SP1: variants seen among roughly 807,000 people sequenced by gnomAD.
The protein encoded by SP1 is transcription factor Sp1.
In SP1, 6 loss-of-function variants were observed where a neutral mutation model predicts 66.3. The ratio of observed to expected loss-of-function variants is 0.09; its 90% CI spans 0.05 to 0.18. The LOEUF is 0.18. Ranked by LOEUF, SP1 falls within the 10% of genes least tolerant of loss-of-function variation. The pLI is 1.00. For synonymous variants in SP1, 417 were observed against 360.8 expected (o/e 1.16, Z -1.77); for missense variants, 848 against 964.5 (o/e 0.88, Z 1.60).
chr12:53,381,969 C>T (rs1447129091), intron 2 of SP1, 141 bp from the exon 3 acceptor site: 1 of 1,141,696 alleles, frequency 8.8e-7, no homozygotes, highest in Non-Finnish European at 1.2e-6. Context: ...AAAGGAGTTT[C>T]AGCAATACAG....
chr12:53,381,262 T>G (rs958498575), intron 1 of SP1: 9 of 159,582 alleles, frequency 5.6e-5, no homozygotes, highest in Non-Finnish European at 9.7e-5. Flanking sequence ...TCTCCATCTC[T>G]TTTAAACTTA....
intron 3 of SP1, among the ~76,000 whole-genome samples, chr12:53,399,900 G>A (rs1471917009): frequency 6.6e-6 from 1 of 151,950 alleles, no homozygotes; most frequent in African/African-American, 2.4e-5. Context: ...CAAAGTGCTG[G>A]GATTACAGGC....
chr12:53,380,946 C>CTTTTTTTTT (rs35296566), intron 1 of SP1, among the ~76,000 whole-genome samples: 1 of 100,800 alleles, frequency 9.9e-6, no homozygotes, highest in African/African-American at 4.9e-5. Context: ...TTTTGTTTGT[C>CTTTTTTTTT]TTTTTTTTTT....
chr12:53,406,924 A>G (rs896571421), intron 4 of SP1, among the ~76,000 whole-genome samples, 171 bp downstream of exon 4: 2 of 151,448 alleles, frequency 1.3e-5, no homozygotes, highest in African/African-American at 4.9e-5. Context: ...TCCTGGGTTC[A>G]CGCCATTCTC....
At chr12:53,407,330 A>T (rs1334729553) in intron 4 of SP1, among the ~76,000 whole-genome samples, 123 of 145,648 alleles carry the variant, frequency 8.4e-4, no homozygotes, top group African/African-American at 3.1e-3. Flanking sequence ...AAAAAAAAAA[A>T]ATTTTTTTTT....
rs1056063918 is a variant in SP1 at position 53,415,923 on chromosome 12, C to G, written c.*4683C>G. The G allele has an allele frequency of 3.3e-5, 5 of 152,648 alleles. No homozygotes were observed. Among genetic ancestry groups the G allele is most frequent in the African/African-American group, 4.8e-5 (2 of 41,526 alleles). 9.5% of individuals were successfully genotyped at this position (152,648 alleles called of 1,614,324 possible). A position where few individuals can be genotyped will look rare whatever the true frequency, so the allele number is the denominator to read the frequency against. The stretch of plus-strand genomic sequence containing the variant: ...CCTAGAGTCTAGGGCACAAAGACTT[C>G]GGGGAAGATACACTGAGATTGACCT... On this transcript the variant is annotated 3_prime_UTR_variant, in exon 6 of 6. Coordinates refer to ENST00000327443, the MANE Select transcript of SP1 (RefSeq NM_138473.3).
chr12:53,380,648 C>T (rs1224277806), intron 1 of SP1: 10 of 994,674 alleles, frequency 1.0e-5, no homozygotes, highest in Non-Finnish European at 1.1e-5. Context: ...CAGCGAAGGC[C>T]CCGCCCGGGC....
At chr12:53,391,962 G>A (rs557559272) in intron 3 of SP1, among the ~76,000 whole-genome samples, 18 of 152,108 alleles carry the variant, frequency 1.2e-4, no homozygotes, top group East Asian at 7.7e-4. Flanking sequence ...CCTGAAAAAC[G>A]TTTCTGTAGA....
In SP1 at chr12:53,414,467, C is replaced by G. The variant is rs1399062582; in HGVS notation, c.*3227C>G. ...TCAGCCTGGTTCAGAATAAATTGAT[C>G]CTTTGATCCCAGAAAGTATATACTG... is the stretch of plus-strand genomic sequence containing the variant. On this transcript the variant is annotated 3_prime_UTR_variant, in exon 6 of 6. Coordinates refer to ENST00000327443, the MANE Select transcript of SP1 (RefSeq NM_138473.3). The G allele has an allele frequency of 6.6e-6, 1 of 152,472 alleles. No individual in the cohort carries two copies. The highest frequency in any genetic ancestry group is 6.6e-5 in the Admixed American group (1 of 15,240). 9.4% of individuals were successfully genotyped at this position (152,472 alleles called of 1,614,324 possible). A position where few individuals can be genotyped will look rare whatever the true frequency, so the allele number is the denominator to read the frequency against.
chr12:53,397,433 A>C (rs1372767977), intron 3 of SP1, among the ~76,000 whole-genome samples: 1 of 149,192 alleles, frequency 6.7e-6, no homozygotes, highest in African/African-American at 2.5e-5. Flanking sequence ...GTAATTTAAG[A>C]CATCTAAACA....
In SP1 at chr12:53,406,696, G is replaced by T. The variant is rs1414461112; in HGVS notation, c.1787G>T (p.Gly596Val). 3.1e-6 allele frequency: 5 copies of T among 1,614,026 alleles called. No homozygotes were observed. Among genetic ancestry groups the T allele is most frequent in the Non-Finnish European group, 4.2e-6 (5 of 1,180,042 alleles). ...ENSPDAQPQA[G>V]RRTRREACTC... Reference sequence around the variant, plus strand: ...AGCCCAGATGCCCAACCCCAAGCCGGTCGGAGGACCCGGCGGGAAGCATGC... The same window carrying T: ...AGCCCAGATGCCCAACCCCAAGCCGTTCGGAGGACCCGGCGGGAAGCATGC... The change falls in exon 4 of 6, where the codon GGT (glycine) becomes GTT (valine). Residue 596 changes from glycine (G) to valine (V), a missense_variant. Coordinates refer to ENST00000327443, the MANE Select transcript of SP1 (RefSeq NM_138473.3).
intron 4 of SP1, among the ~76,000 whole-genome samples, chr12:53,407,357 AGTCT>A (rs1371085549): frequency 6.6e-6 from 1 of 150,560 alleles, no homozygotes; most frequent in Non-Finnish European, 1.5e-5. Flanking sequence ...AGACAAAGTC[AGTCT>A]GTGTTTCCCA....
chr12:53,406,596 G>A lies in SP1; in HGVS notation c.1687G>A (p.Ala563Thr), dbSNP rs1490271471. The stretch of plus-strand genomic sequence containing the variant: ...TCTCTTAATTTCAGGTGATCATGGA[G>A]CTCAGCTTGGTCTCCATGGGGCTGG... The part of the protein sequence containing the change: ...AIANAPGDHG[A>T]QLGLHGAGGD... The change falls in exon 4 of 6, where the codon GCT becomes ACT. Residue 563 changes from alanine to threonine, a missense_variant. Around this residue, in one of 7 missense-constraint regions of SP1, gnomAD observed 606 missense variants for 589.9 expected, o/e 1.03. Transcript: ENST00000327443. The A allele has an allele frequency of 1.2e-6, 2 of 1,613,812 alleles. No homozygotes were observed. The highest frequency in any genetic ancestry group is 1.7e-6 in the Non-Finnish European group (2 of 1,179,938).
At chr12:53,387,491 C>T (rs1938256844) in intron 3 of SP1, among the ~76,000 whole-genome samples, 1 of 152,074 alleles carries the variant, frequency 6.6e-6, no homozygotes, top group South Asian at 2.1e-4. Context: ...CAGTAATTTT[C>T]TTAGTTAATT....
Position 53,392,502 on chromosome 12 carries a change from G to A in SP1, c.1675+8880G>A, listed in dbSNP as rs563782459. Among the ~76,000 whole-genome samples, 84 of 150,316 alleles carry A rather than the reference G, an allele frequency of 5.6e-4. 1 individual carries two copies. In the South Asian group the frequency reaches 0.014, roughly 24 times the overall value. The stretch of plus-strand genomic sequence containing the variant: ...CTCCCAAGTAGCTGGGACTACAGGC[G>A]CCCGCCACTACGCCCGGCTAATTTT... On this transcript the variant is annotated intron_variant, in intron 3 of 5. Coordinates refer to ENST00000327443, the MANE Select transcript of SP1 (RefSeq NM_138473.3).
chr12:53,406,065 C>CTTTTTTTTTTTTTTTT (rs1170832065), intron 3 of SP1, among the ~76,000 whole-genome samples: 2 of 82,416 alleles, frequency 2.4e-5, no homozygotes, highest in Non-Finnish European at 5.0e-5. Context: ...TATTTTCTTT[C>CTTTTTTTTTTTTTTTT]TTTTTTTTTT....
chr12:53,380,738 C>T (rs1294827149), intron 1 of SP1: 10 of 686,250 alleles, frequency 1.5e-5, no homozygotes, highest in East Asian at 1.7e-4. Flanking sequence ...ATTTCCCTTC[C>T]CCCCCGCCCC....
chr12:53,406,849 G>A lies in SP1; in HGVS notation c.1844+96G>A, dbSNP rs918882243. The A allele has an allele frequency of 1.0e-4, 108 of 1,036,094 alleles. No homozygotes were observed. The African/African-American group carries it at 1.4e-3, about 13-fold the overall frequency. 64.2% of individuals were successfully genotyped at this position (1,036,094 alleles called of 1,614,324 possible). A position where few individuals can be genotyped will look rare whatever the true frequency, so the allele number is the denominator to read the frequency against. On this transcript the variant is annotated intron_variant, in intron 4 of 5. Coordinates refer to ENST00000327443, the MANE Select transcript of SP1 (RefSeq NM_138473.3). Reference sequence around the variant, plus strand: ...ATTAATTTTTTTTTTTTTTGAGACCGAGTCTGACTCTGTTGCCCAGGCTGG... The same window carrying A: ...ATTAATTTTTTTTTTTTTTGAGACCAAGTCTGACTCTGTTGCCCAGGCTGG...
chr12:53,412,199 A>G lies in SP1; in HGVS notation c.*959A>G, dbSNP rs955526798. On this transcript the variant is annotated 3_prime_UTR_variant, in exon 6 of 6. Transcript: ENST00000327443. ...CCTTCATTAGCTGCTCTGAGCATCAAGAATTAGAAGTCTTTCAGTGGAATT... is the reference window on the plus strand; with the variant it reads ...CCTTCATTAGCTGCTCTGAGCATCAGGAATTAGAAGTCTTTCAGTGGAATT... The G allele has an allele frequency of 6.6e-6, 1 of 152,458 alleles. No individual in the cohort carries two copies. Among genetic ancestry groups the G allele is most frequent in the Non-Finnish European group, 1.5e-5 (1 of 68,040 alleles). The allele number at this position is 152,458 out of a possible 1,614,324, so 9.4% of individuals were successfully genotyped here. A position where few individuals can be genotyped will look rare whatever the true frequency, so the allele number is the denominator to read the frequency against.
Sources: gnomAD v4.1 joint callset for allele counts (sites outside exome capture counted in the v4.1 genomes callset) on GRCh38, gnomAD v4.1.1 for gene constraint, gnomAD v4.1.1 regional missense constraint, MANE v1.5 for transcripts, NCBI Gene and HGNC (gene_info 2026-07-23, HGNC 2026-07-21) for gene names.